TTC34: variants seen among roughly 807,000 people sequenced by gnomAD.
TTC34 encodes tetratricopeptide repeat domain 34.
TTC34 carries 44 observed loss-of-function variants against 40.7 expected under a neutral mutation model. The observed-to-expected ratio is 1.08, with a 90% CI of 0.85 to 1.39. The LOEUF is 1.39. Among genes scored for constraint, TTC34 ranks in the 40% most tolerant of loss-of-function variants. The probability of loss-of-function intolerance (pLI) is 0.00; values close to 1 mark genes in which losing one functional copy is unlikely to be tolerated. For missense variants in TTC34, 884 were observed against 838.0 expected, an observed-to-expected ratio of 1.05 and a Z score of -0.68; for synonymous variants, 422 against 398.6, an observed-to-expected ratio of 1.06 and a Z score of -0.70.
At chr1:2,791,192 G>A (rs1358878214) in intron 2 of TTC34, among the ~76,000 whole-genome samples, 1 of 151,866 alleles carries the variant, frequency 6.6e-6, no homozygotes, top group Non-Finnish European at 1.5e-5. Flanking sequence ...TGACTGGTAA[G>A]GGAAGTGTAG....
chr1:2,773,275 A>T (rs1194135868), intron 6 of TTC34, among the ~76,000 whole-genome samples: 1 of 117,070 alleles, frequency 8.5e-6, no homozygotes, highest in Non-Finnish European at 1.9e-5. Flanking sequence ...TGAGCATCTG[A>T]CAGCCTGGGG....
rs529767055 is a variant in TTC34 at position 2,768,038 on chromosome 1, C to T, written c.2226+15571G>A. On this transcript the variant is annotated intron_variant, in intron 6 of 8. Transcript: ENST00000401095. ...AGCATCTGACAGCATAAAACAGCAC[C>T]CCACAACCCCAGGTGATCATTTGCC... Among the ~76,000 whole-genome samples the T allele has an allele frequency of 1.3e-4, 19 of 151,498 alleles. No individual in the cohort carries two copies. In the South Asian group the frequency reaches 1.9e-3, roughly 15 times the overall value.
At chr1:2,750,244 C>G (rs1392084041) in intron 6 of TTC34, among the ~76,000 whole-genome samples, 1,258 of 124,850 alleles carry the variant, frequency 0.01, no homozygotes, top group East Asian at 0.023. Context: ...GCACCCACAC[C>G]CACAGGTGGG....
rs200452299 is a variant in TTC34 at position 2,681,080 on chromosome 1, G to C, written c.2227-35517C>G. The stretch of plus-strand genomic sequence containing the variant: ...TGCCCACACACCCAGGCGAGCATCT[G>C]ACAGCCTAGAGCAGTGCCCACACCC... On this transcript the variant is annotated intron_variant, in intron 6 of 8. Transcript: ENST00000401095. Among the ~76,000 whole-genome samples, 84 of 76,944 alleles carry C rather than the reference G, an allele frequency of 1.1e-3. 16 individuals carry two copies. In the East Asian group the frequency reaches 0.023, roughly 21 times the overall value. The allele number at this position is 76,944 out of a possible 152,430, so 50.5% of individuals were successfully genotyped here.
chr1:2,674,713 C>A (rs1465631962), intron 6 of TTC34, among the ~76,000 whole-genome samples: 1 of 73,390 alleles, frequency 1.4e-5, no homozygotes, highest in Non-Finnish European at 2.8e-5. Flanking sequence ...TGGAACAGCA[C>A]CCTGCACCCC....
At chr1:2,753,430 C>A (rs1641393897) in intron 6 of TTC34, among the ~76,000 whole-genome samples, 4 of 125,994 alleles carry the variant, frequency 3.2e-5, no homozygotes, top group South Asian at 5.5e-4. Flanking sequence ...AGGTGAGCAT[C>A]TGACAGCCTG....
chr1:2,683,304 T>TGAGCATCTGACAGCCTGGAACGGAAC (rs1640161302), intron 6 of TTC34, among the ~76,000 whole-genome samples: 1 of 60,854 alleles, frequency 1.6e-5, no homozygotes, highest in Non-Finnish European at 3.5e-5. Context: ...TGGAACAGAA[T>TGAGCATCTGACAGCCTGGAACGGAAC]CCACACCCCC....
At chr1:2,783,281 C>T (rs1213387051) in intron 6 of TTC34, among the ~76,000 whole-genome samples, 2 of 152,220 alleles carry the variant, frequency 1.3e-5, no homozygotes, top group African/African-American at 2.4e-5. Context: ...GAGGGAACAT[C>T]TCCTGGCCAA....
At chr1:2,750,200 A>G (rs1641269247) in intron 6 of TTC34, among the ~76,000 whole-genome samples, 15 of 151,940 alleles carry the variant, frequency 9.9e-5, no homozygotes, top group African/African-American at 3.4e-4. Flanking sequence ...GTCGGCACCC[A>G]CACCCCCAGG....
intron 6 of TTC34, among the ~76,000 whole-genome samples, chr1:2,657,624 C>T (rs1639398289): frequency 1.0e-5 from 1 of 97,054 alleles, no homozygotes; most frequent in African/African-American, 3.1e-5. Flanking sequence ...CCCACACCCC[C>T]AGGGGAGCAT....
chr1:2,648,225 G>A (rs755667789), intron 6 of TTC34, among the ~76,000 whole-genome samples: 6 of 152,054 alleles, frequency 3.9e-5, no homozygotes, highest in South Asian at 2.1e-4. Flanking sequence ...TTGGTTTTGC[G>A]CTGGGCTCTG....
intron 6 of TTC34, among the ~76,000 whole-genome samples, chr1:2,751,930 C>A (rs1403433916): frequency 8.9e-6 from 1 of 112,882 alleles, no homozygotes; most frequent in East Asian, 3.3e-4. Flanking sequence ...GCACGCATAA[C>A]CACAGGTGAA....
chr1:2,645,163 T>G lies in TTC34; in HGVS notation c.2497+130A>C. 7.8e-6 allele frequency: 9 copies of G among 1,160,486 alleles called. No individual in the cohort carries two copies. The highest frequency in any genetic ancestry group is 9.0e-6 in the Non-Finnish European group (8 of 884,968). The allele number at this position is 1,160,486 out of a possible 1,614,324, so 71.9% of individuals were successfully genotyped here. A position where few individuals can be genotyped will look rare whatever the true frequency, so the allele number is the denominator to read the frequency against. ...GGGCCAGAGGTCATGGGATTTGGGG[T>G]GGAAGGGACCTTGGAAGCTGTTGTG... On this transcript the variant is annotated intron_variant, in intron 7 of 8. Transcript: ENST00000401095. This position sits in a 1 kb window ranked among gnomAD's most constrained non-coding sequence, Gnocchi z 4.7.
intron 6 of TTC34, among the ~76,000 whole-genome samples, chr1:2,646,893 T>G (rs1157024713): frequency 6.6e-6 from 1 of 152,238 alleles, no homozygotes; most frequent in East Asian, 1.9e-4. Context: ...AACGGGTCTT[T>G]AATGTCACCC....
chr1:2,641,610 AGGCCCCTGC>A (rs983869567), exon 9 of TTC34: 16 of 1,534,148 alleles, frequency 1.0e-5, no homozygotes, highest in Non-Finnish European at 1.4e-5. Flanking sequence ...GCCTGGGCAA[AGGCCCCTGC>A]GGCCGCCGCC....
intron 6 of TTC34, among the ~76,000 whole-genome samples, chr1:2,687,885 A>G (rs1450870789): frequency 2.7e-5 from 4 of 150,748 alleles, no homozygotes; most frequent in Admixed American, 6.6e-5. Context: ...CAGAACCCAC[A>G]TCCCCAGGTG....
At chr1:2,787,685 C>T (rs1282053533) in exon 4 of TTC34, 2 of 1,546,450 alleles carry the variant, frequency 1.3e-6, no homozygotes, top group Non-Finnish European at 1.7e-6. Context: ...GTGTGGCCAG[C>T]TGGTGCACGC....
intron 6 of TTC34, among the ~76,000 whole-genome samples, chr1:2,779,162 C>T (rs2100614321): frequency 6.6e-6 from 1 of 152,252 alleles, no homozygotes; most frequent in South Asian, 2.1e-4. Context: ...GCTTATCCAC[C>T]CATCCATCGG....
At chr1:2,642,676 G>A (rs1638931935) in intron 8 of TTC34, among the ~76,000 whole-genome samples, 1 of 152,254 alleles carries the variant, frequency 6.6e-6, no homozygotes, top group South Asian at 2.1e-4. Flanking sequence ...AACACGCCAA[G>A]GTGCAGGCCC....
Sources: allele counts gnomAD v4.1 joint callset (sites outside exome capture counted in the v4.1 genomes callset), GRCh38; gene constraint gnomAD v4.1.1; non-coding constraint Gnocchi (gnomAD v3.1); transcripts MANE v1.5; gene names NCBI Gene and HGNC (gene_info 2026-07-23, HGNC 2026-07-21).